R3HDM1: variants seen among roughly 807,000 people sequenced by gnomAD.
R3HDM1 encodes the protein R3H domain containing 1.
A neutral mutation model predicts 141.1 loss-of-function variants in R3HDM1; 46 were observed. The observed-to-expected ratio is 0.33, with a 90% CI of 0.26 to 0.42. R3HDM1 has a LOEUF of 0.42. Among genes scored for constraint, R3HDM1 ranks in the 10% least tolerant of loss-of-function variants. R3HDM1 has a pLI of 1.00. For synonymous variants in R3HDM1, 435 were observed against 472.9 expected (o/e 0.92, Z 1.04); for missense variants, 1,184 against 1,368.3 (o/e 0.87, Z 2.12).
chr2:135,655,735 C>T (rs1050054957), intron 18 of R3HDM1, among the ~76,000 whole-genome samples: 1 of 152,034 alleles, frequency 6.6e-6, no homozygotes, highest in Admixed American at 6.6e-5. Context: ...ACCTCGTGAT[C>T]CGCCCGCCTC....
chr2:135,662,441 G>A (rs2066852706), intron 19 of R3HDM1, among the ~76,000 whole-genome samples: 1 of 152,176 alleles, frequency 6.6e-6, no homozygotes, highest in African/African-American at 2.4e-5. Context: ...TATAGTTCAT[G>A]CTTAGCATAG....
At position 135,651,897 on chromosome 2, in the gene R3HDM1, G is replaced by A. The variant is rs770925863; in HGVS notation, c.1893G>A (p.Pro631=). 46 of 1,459,420 alleles carry A rather than the reference G, an allele frequency of 3.2e-5. No individual in the cohort carries two copies. Among genetic ancestry groups the A allele is most frequent in the South Asian group, 9.1e-5 (8 of 88,230 alleles). The allele number at this position is 1,459,420 out of a possible 1,614,324, so 90.4% of individuals were successfully genotyped here. A position where few individuals can be genotyped will look rare whatever the true frequency, so the allele number is the denominator to read the frequency against. ...TAAPPPHPPP[P]PPPPPPPPPL... is the part of the protein sequence containing the mutation. ...CCCCTCCACCACATCCTCCTCCACCGCCACCACCACCACCTCCTCCTCCTC... is the reference window on the plus strand; with the variant it reads ...CCCCTCCACCACATCCTCCTCCACCACCACCACCACCACCTCCTCCTCCTC... The change falls in exon 18 of 27, where the codon CCG becomes CCA. Residue 631 remains proline (P), a synonymous_variant. Transcript: ENST00000683871.
intron 24 of R3HDM1, among the ~76,000 whole-genome samples, chr2:135,720,341 TTGC>T (rs1237214031): frequency 6.6e-6 from 1 of 152,214 alleles, no homozygotes; most frequent in Admixed American, 6.5e-5. Context: ...AGTCCACACC[TTGC>T]TGCTTTCTGT....
In R3HDM1 at chr2:135,586,779, CT is replaced by C. The variant is rs1708028703; in HGVS notation, c.-249-15720del. 13 of 984,012 alleles carry C rather than the reference CT, an allele frequency of 1.3e-5. No individual in the cohort carries two copies. The Admixed American group carries it at 1.8e-4, about 14-fold the overall frequency. The allele number at this position is 984,012 out of a possible 1,614,324, so 61.0% of individuals were successfully genotyped here. A position where few individuals can be genotyped will look rare whatever the true frequency, so the allele number is the denominator to read the frequency against. ...CATGTTTGATATTTCTTGTAACTTA[CT>C]GATAGAATGGTTTACCTGTGTGCTA... On this transcript the variant is annotated intron_variant, in intron 1 of 26. Transcript: ENST00000683871.
chr2:135,574,464 G>A (rs1207823978), intron 1 of R3HDM1, among the ~76,000 whole-genome samples: 1 of 152,166 alleles, frequency 6.6e-6, no homozygotes, highest in Non-Finnish European at 1.5e-5. Context: ...CAGAGCATTG[G>A]AATGTTGGAA....
chr2:135,619,067 A>G (rs890172887), intron 5 of R3HDM1, among the ~76,000 whole-genome samples: 2 of 152,112 alleles, frequency 1.3e-5, no homozygotes, highest in Non-Finnish European at 2.9e-5. Flanking sequence ...CAGAGTAAAG[A>G]ATACGCCTGT....
intron 23 of R3HDM1, among the ~76,000 whole-genome samples, chr2:135,712,925 A>T (rs2075815305): frequency 6.6e-6 from 1 of 151,518 alleles, no homozygotes; most frequent in Non-Finnish European, 1.5e-5. Flanking sequence ...CGTCTCAAAA[A>T]AAATAAATAA....
intron 1 of R3HDM1, among the ~76,000 whole-genome samples, chr2:135,567,552 A>C (rs1227034798): frequency 6.6e-6 from 1 of 152,150 alleles, no homozygotes; most frequent in Non-Finnish European, 1.5e-5. Context: ...AGTATCCTAG[A>C]GTATATCAAG....
chr2:135,583,029 C>T (rs560927604), intron 1 of R3HDM1, among the ~76,000 whole-genome samples: 22 of 152,298 alleles, frequency 1.4e-4, no homozygotes, highest in South Asian at 8.3e-4. Context: ...TGCTTTCTCT[C>T]TCTGTGTGTG....
chr2:135,633,594 T>TA (rs1553586871), intron 9 of R3HDM1: 11 of 151,730 alleles, frequency 7.2e-5, no homozygotes, highest in South Asian at 2.1e-4. Context: ...ACTGTACTTT[T>TA]TATATATATA....
chr2:135,677,733 A>G (rs1369970707), intron 20 of R3HDM1, among the ~76,000 whole-genome samples: 1 of 152,168 alleles, frequency 6.6e-6, no homozygotes, highest in Non-Finnish European at 1.5e-5. Context: ...AATCAATAAT[A>G]GTCATCTGCT....
intron 1 of R3HDM1, among the ~76,000 whole-genome samples, chr2:135,531,986 T>G (rs1333988607): frequency 1.3e-5 from 2 of 152,128 alleles, no homozygotes; most frequent in African/African-American, 4.8e-5. Flanking sequence ...AGGGGAAAGG[T>G]TTCCGAGTCC....
intron 1 of R3HDM1, among the ~76,000 whole-genome samples, chr2:135,580,585 A>C (rs556171795): frequency 1.3e-5 from 2 of 152,292 alleles, no homozygotes; most frequent in African/African-American, 2.4e-5. Context: ...CCTTTAAGTG[A>C]AAAATCTGTA....
intron 7 of R3HDM1, among the ~76,000 whole-genome samples, chr2:135,627,391 CAATA>C (rs2105200382): frequency 6.6e-6 from 1 of 152,032 alleles, no homozygotes; most frequent in Non-Finnish European, 1.5e-5. Context: ...TGTCATAGCC[CAATA>C]AATAAACTAA....
Position 135,652,040 on chromosome 2 carries a change from G to A in R3HDM1, c.2028+8G>A. 1 of 1,548,324 alleles carries A rather than the reference G, an allele frequency of 6.5e-7. No homozygotes were observed. The highest frequency in any genetic ancestry group is 2.3e-5 in the East Asian group (1 of 44,042). ...CAGCAGCCATCACCACAGGTATATT[G>A]CTTTTTAACCTTTTCTTTCTTGTGG... On this transcript the variant is annotated splice_region_variant and intron_variant, in intron 18 of 26. Transcript: ENST00000683871.
rs113493403 is a variant in R3HDM1, at chr2:135,689,772, AT to A, written c.2459+9452del. 1.3e-3 allele frequency among the ~76,000 whole-genome samples: 205 copies of A among 152,282 alleles called. 2 individuals are homozygous for A. The highest frequency in any genetic ancestry group is 4.4e-3 in the African/African-American group (181 of 41,564). ...AGCAAAGTACTAGTCAGGGACACTA[AT>A]TTTACAACAACTCATGAGATTTTTC... On this transcript the variant is annotated intron_variant, in intron 21 of 26. Transcript: ENST00000683871.
At chr2:135,680,427 A>G in intron 21 of R3HDM1, 103 bp downstream of exon 21, 1 of 1,284,988 alleles carries the variant, frequency 7.8e-7, no homozygotes, top group Non-Finnish European at 1.1e-6. Flanking sequence ...ACTTGAGAAC[A>G]TTCTCTAATG....
chr2:135,710,181 C>T lies in R3HDM1; in HGVS notation c.2686C>T (p.Gln896Ter). The part of the protein sequence containing the change: ...WKQNKYYCDH[Q>*]RGQKCVEFSS... ...ACAAAACAAATATTACTGTGATCACCAGAGAGGACAGAAGTGTGTAGAATT... is the reference window on the plus strand; with the variant it reads ...ACAAAACAAATATTACTGTGATCACTAGAGAGGACAGAAGTGTGTAGAATT... Residue 896 changes from glutamine (Q) to a stop codon, truncating the protein, a stop_gained, in exon 23 of 27, where the codon CAG becomes TAG. Coordinates refer to ENST00000683871, the MANE Select transcript of R3HDM1 (RefSeq NM_001378107.1). LOFTEE classifies it high-confidence loss of function. 6.2e-7 allele frequency: 1 copy of T among 1,614,078 alleles called. No individual in the cohort carries two copies. Among genetic ancestry groups the T allele is most frequent in the East Asian group, 2.2e-5 (1 of 44,890 alleles).
intron 20 of R3HDM1, among the ~76,000 whole-genome samples, chr2:135,675,893 T>C (rs777938235): frequency 6.6e-6 from 1 of 152,170 alleles, no homozygotes; most frequent in Non-Finnish European, 1.5e-5. Flanking sequence ...TGGTAGATAT[T>C]TGAAATAGTG....
Sources: gnomAD v4.1 joint callset for allele counts (sites outside exome capture counted in the v4.1 genomes callset) on GRCh38, gnomAD v4.1.1 for gene constraint, MANE v1.5 for transcripts, NCBI Gene and HGNC (gene_info 2026-07-23, HGNC 2026-07-21) for gene names.